PARN: variants seen among roughly 807,000 people sequenced by gnomAD.
PARN encodes poly(A)-specific ribonuclease PARN.
Under a neutral mutation model 102.8 loss-of-function variants are expected in PARN, and 71 were observed. That is an observed-to-expected ratio of 0.69 (90% CI 0.57 to 0.84). PARN has a LOEUF of 0.84. PARN is among the 40% of genes least tolerant of loss of function. The pLI is 0.00. For missense variants in PARN, 782 were observed against 760.9 expected (o/e 1.03, Z -0.33); for synonymous variants, 261 against 252.9 (o/e 1.03, Z -0.30).
intron 21 of PARN, among the ~76,000 whole-genome samples, chr16:14,507,064 T>C (rs12449033): frequency 0.23 from 34,453 of 150,508 alleles, 4,072 homozygotes; most frequent in Middle Eastern, 0.29. Flanking sequence ...TGGTGGCTCA[T>C]GCCTATAATC....
chr16:14,573,518 T>C (rs1229278527), intron 18 of PARN, among the ~76,000 whole-genome samples: 3 of 152,196 alleles, frequency 2.0e-5, no homozygotes, highest in South Asian at 2.1e-4. Flanking sequence ...TGGGCACTTA[T>C]TAAGTTCTAG....
chr16:14,522,228 A>C (rs1000388279), intron 21 of PARN, among the ~76,000 whole-genome samples: 2 of 152,252 alleles, frequency 1.3e-5, no homozygotes, highest in African/African-American at 4.8e-5. Context: ...AGCCACAAAC[A>C]TCATTTGCAC....
chr16:14,500,473 C>A (rs1042015238), intron 21 of PARN, among the ~76,000 whole-genome samples: 2 of 151,976 alleles, frequency 1.3e-5, no homozygotes, highest in African/African-American at 4.8e-5. Flanking sequence ...CAGGTGTGAC[C>A]ATAGCTCACT....
chr16:14,457,971 T>C (rs760631787), intron 22 of PARN, among the ~76,000 whole-genome samples: 12 of 151,468 alleles, frequency 7.9e-5, no homozygotes, highest in Non-Finnish European at 1.3e-4. Flanking sequence ...AGAGAAAACA[T>C]GAATGCATTG....
intron 21 of PARN, among the ~76,000 whole-genome samples, chr16:14,520,243 G>A (rs1965666471): frequency 6.6e-6 from 1 of 152,290 alleles, no homozygotes. Context: ...GATAGATTAA[G>A]AGACACCACA....
chr16:14,528,170 C>T (rs1966111283), intron 21 of PARN, among the ~76,000 whole-genome samples: 1 of 152,204 alleles, frequency 6.6e-6, no homozygotes, highest in Non-Finnish European at 1.5e-5. Context: ...CTTCACCTTA[C>T]AGCAAACTTC....
intron 19 of PARN, 85 bp from the exon 20 acceptor site, chr16:14,554,236 C>A: frequency 1.2e-6 from 1 of 867,370 alleles, no homozygotes; most frequent in Admixed American, 2.4e-5. Context: ...TAAGTCTGAG[C>A]TAATTTGGAG....
intron 10 of PARN, 97 bp from the exon 11 acceptor site, chr16:14,604,323 T>C (rs1271142076): frequency 5.5e-6 from 4 of 726,818 alleles, no homozygotes; most frequent in Non-Finnish European, 7.0e-6. Flanking sequence ...TGCAATTGCA[T>C]GATCTCAGCT....
Position 14,628,197 on chromosome 16 carries a change from T to C in PARN, c.152A>G (p.Glu51Gly). The part of the protein sequence containing the change: ...SALTNGFDTP[E>G]ERYQKLKKHS... The stretch of plus-strand genomic sequence containing the variant: ...CTTTTTAAGCTTCTGATACCTCTCT[T>C]CTGGAGTGTCAAAACCATTTGTTAA... Residue 51 changes from glutamate to glycine, a missense_variant, in exon 3 of 24, where the codon GAA becomes GGA. Physicochemically the swap from Glu to Gly is moderately conservative, Grantham distance 98. Transcript: ENST00000437198. The C allele has an allele frequency of 6.2e-7, 1 of 1,603,530 alleles. No homozygotes were observed. The highest frequency in any genetic ancestry group is 1.3e-5 in the African/African-American group (1 of 74,862).
intron 21 of PARN, among the ~76,000 whole-genome samples, chr16:14,545,928 A>G (rs1462295903): frequency 6.6e-6 from 1 of 152,226 alleles, no homozygotes; most frequent in Non-Finnish European, 1.5e-5. Flanking sequence ...AAACTGAGAA[A>G]AGAAGAGCAA....
intron 21 of PARN, among the ~76,000 whole-genome samples, chr16:14,496,401 GC>G (rs1964321290): frequency 6.6e-6 from 1 of 151,940 alleles, no homozygotes; most frequent in African/African-American, 2.4e-5. Context: ...TGGGAGTTTG[GC>G]AAAAAGTTTA....
intron 14 of PARN, 42 bp downstream of exon 14, chr16:14,586,276 C>G (rs1434666653): frequency 7.5e-7 from 1 of 1,326,354 alleles, no homozygotes; most frequent in Non-Finnish European, 1.1e-6. Flanking sequence ...CGTGCCCAGC[C>G]AACTTTTTTA....
intron 18 of PARN, among the ~76,000 whole-genome samples, chr16:14,565,632 G>C (rs899730322): frequency 4.6e-5 from 7 of 152,220 alleles, no homozygotes; most frequent in Non-Finnish European, 1.0e-4. Flanking sequence ...TCTGTGCTCA[G>C]GCCAAACATT....
intron 23 of PARN, among the ~76,000 whole-genome samples, chr16:14,439,625 T>G (rs964138293): frequency 6.6e-6 from 1 of 152,216 alleles, no homozygotes; most frequent in Non-Finnish European, 1.5e-5. Context: ...AAAGATTTTT[T>G]AGATATGACA....
chr16:14,610,849 C>T (rs1567448257), intron 6 of PARN, 40 bp from the exon 7 acceptor site: 31 of 1,394,588 alleles, frequency 2.2e-5, no homozygotes, highest in Non-Finnish European at 3.1e-5. Context: ...GCAGAAGTAA[C>T]TGTCTAACAT....
At chr16:14,592,691 C>A (rs1447494676) in intron 13 of PARN, among the ~76,000 whole-genome samples, 1 of 152,144 alleles carries the variant, frequency 6.6e-6, no homozygotes, top group Non-Finnish European at 1.5e-5. Context: ...AATGGCCCTG[C>A]TATGTCTAAT....
chr16:14,551,396 C>T (rs368838686), intron 21 of PARN, among the ~76,000 whole-genome samples: 4 of 151,848 alleles, frequency 2.6e-5, no homozygotes, highest in African/African-American at 9.7e-5. Context: ...TCGTGAAACC[C>T]CATCTCTACT....
intron 6 of PARN, among the ~76,000 whole-genome samples, chr16:14,611,969 G>C (rs1971543283): frequency 6.6e-6 from 1 of 152,178 alleles, no homozygotes; most frequent in African/African-American, 2.4e-5. Flanking sequence ...ACATGTACGG[G>C]CATAGCTGTA....
intron 21 of PARN, among the ~76,000 whole-genome samples, chr16:14,515,027 A>C (rs568008959): frequency 1.2e-4 from 19 of 152,366 alleles, no homozygotes; most frequent in Middle Eastern, 3.4e-3. Context: ...CATCTTTACG[A>C]ATCAACACTT....
Sources: gnomAD v4.1 joint callset for allele counts (sites outside exome capture counted in the v4.1 genomes callset) on GRCh38, gnomAD v4.1.1 for gene constraint, MANE v1.5 for transcripts, NCBI Gene and HGNC (gene_info 2026-07-23, HGNC 2026-07-21) for gene names.